COBL: variants seen among roughly 807,000 people sequenced by gnomAD.
COBL encodes protein cordon-bleu.
In COBL, 51 loss-of-function variants were observed where a neutral mutation model predicts 98.8. The observed-to-expected ratio is 0.52, with a 90% CI of 0.41 to 0.65. The LOEUF (loss-of-function observed/expected upper bound fraction) is 0.65. Among genes scored for constraint, COBL ranks in the 30% least tolerant of loss-of-function variants. COBL has a pLI of 0.00. For missense variants in COBL, 1,617 were observed against 1,617.5 expected (o/e 1.00, Z 0.01); for synonymous variants, 634 against 651.7 (o/e 0.97, Z 0.41).
chr7:51,029,081 T>A lies in COBL; in HGVS notation c.2015A>T (p.Asn672Ile). 6.2e-7 allele frequency: 1 copy of A among 1,614,230 alleles called. No homozygotes were observed. Among genetic ancestry groups the A allele is most frequent in the Non-Finnish European group, 8.5e-7 (1 of 1,180,030 alleles). ...GTTTTTATCGTTGCTGTCCTTTTCATTCACCGGTTGGGAATTCACTCTCTC... is the reference window on the plus strand; with the variant it reads ...GTTTTTATCGTTGCTGTCCTTTTCAATCACCGGTTGGGAATTCACTCTCTC... ...ATERVNSQPVNEKDSNDKNAA... is the reference protein window; with the variant it reads ...ATERVNSQPVIEKDSNDKNAA... The change falls in exon 10 of 13, where the codon AAT becomes ATT. Residue 672 changes from asparagine (N) to isoleucine (I), a missense_variant. Asn to Ile is a moderately radical substitution (Grantham distance 149). Transcript: ENST00000265136.
intron 1 of COBL, among the ~76,000 whole-genome samples, chr7:51,262,790 T>C (rs1193306128): frequency 6.6e-6 from 1 of 152,066 alleles, no homozygotes; most frequent in Non-Finnish European, 1.5e-5. Context: ...GATACAAGGA[T>C]GAAGAGGGCA....
chr7:51,065,202 G>C (rs1791784562), intron 7 of COBL: 1 of 702,890 alleles, frequency 1.4e-6, no homozygotes, highest in African/African-American at 1.7e-5. Flanking sequence ...AAGATGGGTT[G>C]TGTGTGTGTG....
chr7:51,025,258 G>GGGGGGGGGGGGGGGGGGCA lies in COBL; in HGVS notation c.3618_3619insTGCCCCCCCCCCCCCCCCC (p.Pro1207CysfsTer87). On this transcript the variant is annotated frameshift_variant, in exon 12 of 13. Transcript: ENST00000265136. LOFTEE classifies it high-confidence loss of function. ...TGGGAGGGTGGAGGGGGTGGTGGGGGAATGGCTGGTGGGGACAGAAGACCA... is the reference window on the plus strand; with the variant it reads ...TGGGAGGGTGGAGGGGGTGGTGGGGGGGGGGGGGGGGGGGGGGCAAATGGCTGGTGGGGACAGAAGACCA... 1 of 725,716 alleles carries GGGGGGGGGGGGGGGGGGCA rather than the reference G, an allele frequency of 1.4e-6. No homozygotes were observed. The highest frequency in any genetic ancestry group is 2.4e-6 in the Non-Finnish European group (1 of 411,534). 45.0% of individuals were successfully genotyped at this position (725,716 alleles called of 1,614,324 possible). A position where few individuals can be genotyped will look rare whatever the true frequency, so the allele number is the denominator to read the frequency against.
intron 8 of COBL, among the ~76,000 whole-genome samples, chr7:51,043,129 T>TCAAACAAACA: frequency 6.6e-6 from 1 of 152,178 alleles, no homozygotes; most frequent in South Asian, 2.1e-4. Context: ...ACAAACATGA[T>TCAAACAAACA]ATTGAGTAGA....
chr7:51,208,088 T>A (rs1791957381), intron 2 of COBL, among the ~76,000 whole-genome samples: 2 of 145,642 alleles, frequency 1.4e-5, no homozygotes, highest in African/African-American at 5.2e-5. Context: ...CGCCGCCCCG[T>A]CTGGAATGTG....
intron 1 of COBL, among the ~76,000 whole-genome samples, chr7:51,262,796 G>A (rs1246638137): frequency 1.3e-5 from 2 of 152,164 alleles, no homozygotes; most frequent in East Asian, 3.9e-4. Context: ...AGGATGAAGA[G>A]GGCAATAATG....
chr7:51,170,353 A>G (rs1219073581), intron 5 of COBL, among the ~76,000 whole-genome samples: 2 of 152,002 alleles, frequency 1.3e-5, no homozygotes, highest in African/African-American at 4.8e-5. Flanking sequence ...AATTGTAATT[A>G]TAATTACTGT....
At chr7:51,202,149 C>A (rs1791188422) in intron 2 of COBL, among the ~76,000 whole-genome samples, 1 of 151,632 alleles carries the variant, frequency 6.6e-6, no homozygotes, top group South Asian at 2.1e-4. Flanking sequence ...TCTTTGGATG[C>A]CAAAGAAAAG....
Position 51,016,576 on chromosome 7 carries a change from G to T in COBL, c.*975C>A, listed in dbSNP as rs1169711208. Reference sequence around the variant, plus strand: ...AAGACCACGATATCATACAAAGGGAGCCAATGAGCTGTTGGACAAACGCGT... The same window carrying T: ...AAGACCACGATATCATACAAAGGGATCCAATGAGCTGTTGGACAAACGCGT... On this transcript the variant is annotated 3_prime_UTR_variant, in exon 13 of 13. Coordinates refer to ENST00000265136, the MANE Select transcript of COBL (RefSeq NM_015198.5). The T allele has an allele frequency of 5.2e-6, 1 of 193,396 alleles. No individual in the cohort carries two copies. Among genetic ancestry groups the T allele is most frequent in the Non-Finnish European group, 1.0e-5 (1 of 95,746 alleles). The allele number at this position is 193,396 out of a possible 1,614,324, so 12.0% of individuals were successfully genotyped here.
rs1367150982 is a variant in COBL, at chr7:51,027,869, T to C, written c.3227A>G (p.Asp1076Gly). Residue 1076 changes from aspartate to glycine, a missense_variant, in exon 10 of 13, where the codon GAT becomes GGT. Physicochemically the swap from Asp to Gly is moderately conservative, Grantham distance 94. Around this residue, in one of 3 missense-constraint regions of COBL, gnomAD observed 1,304 missense variants for 1,282.0 expected, o/e 1.02. Transcript: ENST00000265136. ...REEKPSVFST[D>G]GNETDSIWPP... The stretch of plus-strand genomic sequence containing the variant: ...CCAAATACTGTCTGTTTCATTTCCA[T>C]CTGTAGAGAACACACTGGGCTTTTC... The C allele has an allele frequency of 1.2e-6, 2 of 1,614,122 alleles. No homozygotes were observed. Among genetic ancestry groups the C allele is most frequent in the African/African-American group, 1.3e-5 (1 of 74,944 alleles).
intron 7 of COBL, among the ~76,000 whole-genome samples, chr7:51,069,851 G>A (rs1278347870): frequency 6.6e-6 from 1 of 152,184 alleles, no homozygotes; most frequent in Non-Finnish European, 1.5e-5. Flanking sequence ...TGGGTTTTAT[G>A]TTTTGGTTAT....
Position 51,029,110 on chromosome 7 carries a change from G to A in COBL, c.1986C>T (p.Ala662=). Residue 662 remains alanine, a synonymous_variant, in exon 10 of 13, where the codon GCC becomes GCT. Coordinates refer to ENST00000265136, the MANE Select transcript of COBL (RefSeq NM_015198.5). The part of the protein sequence containing the change: ...YGCADGERTQ[A]TERVNSQPVN... ...CCGGTTGGGAATTCACTCTCTCTGT[G>A]GCTTGAGTCCTCTCCCCGTCAGCAC... The A allele has an allele frequency of 6.2e-7, 1 of 1,614,100 alleles. No individual in the cohort carries two copies.
At chr7:51,278,953 C>A (rs1035138960) in intron 1 of COBL, among the ~76,000 whole-genome samples, 1 of 152,248 alleles carries the variant, frequency 6.6e-6, no homozygotes, top group Non-Finnish European at 1.5e-5. Flanking sequence ...AGCACCCACG[C>A]AGCAGGCGGC....
chr7:51,065,296 G>A lies in COBL; in HGVS notation c.1096+19870C>T, dbSNP rs2128915979. The stretch of plus-strand genomic sequence containing the variant: ...GCTGAGCAGTGACTGGGGAAATGGG[G>A]AGGAGGAAGAGAAACAGGAACACTT... On this transcript the variant is annotated intron_variant, in intron 7 of 12. Coordinates refer to ENST00000265136, the MANE Select transcript of COBL (RefSeq NM_015198.5). 4.3e-6 allele frequency: 3 copies of A among 703,444 alleles called. No homozygotes were observed. In the South Asian group the frequency reaches 4.4e-5, roughly 10 times the overall value. 43.6% of individuals were successfully genotyped at this position (703,444 alleles called of 1,614,324 possible). A position where few individuals can be genotyped will look rare whatever the true frequency, so the allele number is the denominator to read the frequency against.
Position 51,216,597 on chromosome 7 carries a change from G to C in COBL, c.245+3144C>G, listed in dbSNP as rs558454527. Among the ~76,000 whole-genome samples, 10 of 152,114 alleles carry C rather than the reference G, an allele frequency of 6.6e-5. No homozygotes were observed. In the South Asian group the frequency reaches 1.7e-3, roughly 25 times the overall value. On this transcript the variant is annotated intron_variant, in intron 2 of 12. Transcript: ENST00000265136. ...GAACATTTCCCCTATGAACGGCTCA[G>C]AGCACCAATTCTCATGTCTTAATCT...
intron 5 of COBL, among the ~76,000 whole-genome samples, chr7:51,177,807 T>TA: frequency 6.7e-6 from 1 of 150,198 alleles, no homozygotes; most frequent in Admixed American, 6.7e-5. Flanking sequence ...AATAAATAAA[T>TA]AAATAAATAA....
intron 1 of COBL, among the ~76,000 whole-genome samples, chr7:51,269,021 C>A (rs740543): frequency 0.13 from 19,420 of 151,714 alleles, 1,705 homozygotes; most frequent in East Asian, 0.36. Context: ...AGGGAGTGCA[C>A]CCCAGGGAAG....
rs118028615 is a variant in COBL at position 51,153,315 on chromosome 7, C to T, written c.784-16984G>A. Among the ~76,000 whole-genome samples, 861 of 152,188 alleles carry T rather than the reference C, an allele frequency of 5.7e-3. 23 individuals are homozygous for T. The South Asian group carries it at 0.071, about 13-fold the overall frequency. On this transcript the variant is annotated intron_variant, in intron 5 of 12. Coordinates refer to ENST00000265136, the MANE Select transcript of COBL (RefSeq NM_015198.5). ...CTTTATTGTTACCAATTAATTATTA[C>T]TGATAATTAAAGATATCTAGCTAAT...
At chr7:51,019,512 C>T (rs923096286) in intron 12 of COBL, among the ~76,000 whole-genome samples, 2 of 152,136 alleles carry the variant, frequency 1.3e-5, no homozygotes, top group Non-Finnish European at 2.9e-5. Flanking sequence ...AATAAAGGAA[C>T]AAAGGGATGA....
Sources: gnomAD v4.1 joint callset for allele counts (sites outside exome capture counted in the v4.1 genomes callset) on GRCh38, gnomAD v4.1.1 for gene constraint, gnomAD v4.1.1 regional missense constraint, MANE v1.5 for transcripts, NCBI Gene and HGNC (gene_info 2026-07-23, HGNC 2026-07-21) for gene names.